MIB1: variants seen among roughly 807,000 people sequenced by gnomAD.
The protein encoded by MIB1 is MIB E3 ubiquitin protein ligase 1.
A neutral mutation model predicts 124.5 loss-of-function variants in MIB1; 278 were observed. The observed-to-expected ratio is 2.23, with a 90% CI of 2.02 to 2.47. The LOEUF is 2.47. MIB1 is among the 30% of genes most tolerant of loss of function. The pLI, the probability that MIB1 is intolerant of heterozygous loss-of-function variation, is 0.00. For synonymous variants in MIB1, 446 were observed against 429.4 expected, an observed-to-expected ratio of 1.04 and a Z score of -0.48; for missense variants, 957 against 1,254.4, an observed-to-expected ratio of 0.76 and a Z score of 3.58.
chr18:21,718,044 G>A (rs2146356318), intron 1 of MIB1, among the ~76,000 whole-genome samples: 1 of 152,308 alleles, frequency 6.6e-6, no homozygotes, highest in Non-Finnish European at 1.5e-5. Context: ...TATATACAAT[G>A]CAATACTACT....
intron 1 of MIB1, among the ~76,000 whole-genome samples, chr18:21,727,054 C>T (rs2040745375): frequency 6.6e-6 from 1 of 152,146 alleles, no homozygotes; most frequent in African/African-American, 2.4e-5. Context: ...TTATTATTCT[C>T]CACGGCCCCA....
rs554215192 is a variant in MIB1 at position 21,808,940 on chromosome 18, T to G, written c.1479+4926T>G. ...GGGTAGTTTGGGGTAGTTTCATCAT[T>G]TAATTAAAAAAAAACTGCTTCAAAT... On this transcript the variant is annotated intron_variant, in intron 10 of 20. Coordinates refer to ENST00000261537, the MANE Select transcript of MIB1 (RefSeq NM_020774.4). Among the ~76,000 whole-genome samples, 16 of 151,718 alleles carry G rather than the reference T, an allele frequency of 1.1e-4. 1 individual carries two copies. In the South Asian group the frequency reaches 3.3e-3, roughly 32 times the overall value.
At chr18:21,792,285 A>G (rs1175614279) in intron 7 of MIB1, among the ~76,000 whole-genome samples, 3 of 151,694 alleles carry the variant, frequency 2.0e-5, no homozygotes, top group Non-Finnish European at 4.4e-5. Flanking sequence ...CTGTCCCTCC[A>G]TTCCAGTCCC....
At chr18:21,798,034 T>C (rs1006199899) in intron 7 of MIB1, 50 bp from the exon 8 acceptor site, 1 of 1,568,838 alleles carries the variant, frequency 6.4e-7, no homozygotes, top group Non-Finnish European at 8.7e-7. Flanking sequence ...TGATTGACTT[T>C]ATGGTATATA....
At chr18:21,724,383 A>G (rs2040728220) in intron 1 of MIB1, among the ~76,000 whole-genome samples, 1 of 152,074 alleles carries the variant, frequency 6.6e-6, no homozygotes, top group South Asian at 2.1e-4. Context: ...TTAATGAAAA[A>G]AATTTTAGGT....
intron 1 of MIB1, among the ~76,000 whole-genome samples, chr18:21,722,054 T>C (rs2040717926): frequency 6.6e-6 from 1 of 152,148 alleles, no homozygotes; most frequent in South Asian, 2.1e-4. Flanking sequence ...TCTTTCCGTG[T>C]GTGTGTGTGT....
intron 17 of MIB1, among the ~76,000 whole-genome samples, chr18:21,852,139 C>T (rs2042185616): frequency 6.6e-6 from 1 of 152,166 alleles, no homozygotes; most frequent in Non-Finnish European, 1.5e-5. Context: ...AATGTTGTAG[C>T]TCAACAATGT....
At chr18:21,789,377 C>T (rs2041475593) in intron 6 of MIB1, among the ~76,000 whole-genome samples, 1 of 151,954 alleles carries the variant, frequency 6.6e-6, no homozygotes, top group Admixed American at 6.6e-5. Context: ...CCAGTATGAC[C>T]TCACTTTAAC....
chr18:21,738,279 T>C (rs554444330), upstream of MIB1, among the ~76,000 whole-genome samples: 155 of 152,188 alleles, frequency 1.0e-3, 1 homozygote, highest in Non-Finnish European at 1.9e-3. Flanking sequence ...AGAAACTCAC[T>C]CAAAACCTCA....
intron 10 of MIB1, among the ~76,000 whole-genome samples, chr18:21,814,279 G>T (rs563478531): frequency 6.6e-6 from 1 of 151,044 alleles, no homozygotes; most frequent in African/African-American, 2.4e-5. Flanking sequence ...TTCTGTTCTC[G>T]AATATACAGA....
At chr18:21,817,490 A>T in intron 11 of MIB1, 1 of 183,172 alleles carries the variant, frequency 5.5e-6, no homozygotes, top group Non-Finnish European at 1.1e-5. Context: ...TATTGGGCAC[A>T]GATAATAGTG....
chr18:21,721,652 G>A (rs907208141), intron 1 of MIB1, among the ~76,000 whole-genome samples: 2 of 152,156 alleles, frequency 1.3e-5, no homozygotes, highest in Non-Finnish European at 2.9e-5. Flanking sequence ...AATTGTGTAT[G>A]TATGACATTA....
chr18:21,775,095 A>G (rs1466968623), intron 4 of MIB1, among the ~76,000 whole-genome samples: 1 of 151,492 alleles, frequency 6.6e-6, no homozygotes, highest in East Asian at 1.9e-4. Context: ...GTAGGCGCCC[A>G]CCACCACGCC....
intron 1 of MIB1, among the ~76,000 whole-genome samples, chr18:21,717,258 G>A (rs1296714000): frequency 6.6e-6 from 1 of 152,088 alleles, no homozygotes; most frequent in African/African-American, 2.4e-5. Flanking sequence ...GATGGATTAA[G>A]GACTTAAATC....
At position 21,770,426 on chromosome 18, in the gene MIB1, T is replaced by C. The variant is rs76160748; in HGVS notation, c.531+1674T>C. ...CTTTTTCCCCTTCAGTGCTGGATGC[T>C]TTATCCCACTCCCCTGATGTAACCC... On this transcript the variant is annotated intron_variant, in intron 3 of 20. Coordinates refer to ENST00000261537, the MANE Select transcript of MIB1 (RefSeq NM_020774.4). 8.8e-3 allele frequency among the ~76,000 whole-genome samples: 1,345 copies of C among 152,290 alleles called. 21 individuals carry two copies. The highest frequency in any genetic ancestry group is 0.03 in the African/African-American group (1,257 of 41,568).
chr18:21,819,747 G>GTATTT, intron 12 of MIB1, 101 bp downstream of exon 12: 1 of 824,858 alleles, frequency 1.2e-6, no homozygotes, highest in Middle Eastern at 3.2e-4. Flanking sequence ...GGCTATTTTA[G>GTATTT]TATTTTAAAT....
intron 5 of MIB1, 112 bp from the exon 6 acceptor site, chr18:21,779,369 A>T: frequency 2.4e-6 from 2 of 819,598 alleles, no homozygotes; most frequent in East Asian, 4.9e-5. Flanking sequence ...AGACCTTTTA[A>T]AACTAGATGG....
intron 18 of MIB1, chr18:21,854,560 C>G (rs1019892452): frequency 6.2e-6 from 1 of 160,328 alleles, no homozygotes; most frequent in Non-Finnish European, 1.3e-5. Flanking sequence ...TATTTCCCCC[C>G]AGGAGCTTCC....
chr18:21,824,499 A>G (rs951000387), intron 12 of MIB1, among the ~76,000 whole-genome samples: 2 of 152,146 alleles, frequency 1.3e-5, no homozygotes, highest in Non-Finnish European at 2.9e-5. Flanking sequence ...AGCTGAGTCT[A>G]TTCGGTAATA....
Sources: gnomAD v4.1 joint callset for allele counts (sites outside exome capture counted in the v4.1 genomes callset) on GRCh38, gnomAD v4.1.1 for gene constraint, MANE v1.5 for transcripts, NCBI Gene and HGNC (gene_info 2026-07-23, HGNC 2026-07-21) for gene names.